FAM83B: variants seen among roughly 807,000 people sequenced by gnomAD.
The protein encoded by FAM83B is scaffolding CK1 anchoring protein B, also known as protein FAM83B.
In FAM83B, 26 loss-of-function variants were observed where a neutral mutation model predicts 38.8. The observed-to-expected ratio is 0.67, with a 90% CI of 0.49 to 0.93. The LOEUF is 0.93. Among genes scored for constraint, FAM83B ranks in the 40% least tolerant of loss-of-function variants. The probability of loss-of-function intolerance (pLI) is 0.00; values close to 1 mark genes in which losing one functional copy is unlikely to be tolerated. For missense variants in FAM83B, 1,237 were observed against 1,197.3 expected, an observed-to-expected ratio of 1.03 and a Z score of -0.49; for synonymous variants, 419 against 423.1, an observed-to-expected ratio of 0.99 and a Z score of 0.12.
chr6:54,875,047 AG>A (rs1237879055), intron 2 of FAM83B, among the ~76,000 whole-genome samples: 1 of 152,192 alleles, frequency 6.6e-6, no homozygotes, highest in Non-Finnish European at 1.5e-5. Context: ...ACTAGAATAG[AG>A]ACTTTGTCAC....
At chr6:54,899,000 C>A (rs891626413) in intron 2 of FAM83B, among the ~76,000 whole-genome samples, 4 of 152,160 alleles carry the variant, frequency 2.6e-5, no homozygotes, top group African/African-American at 9.7e-5. Flanking sequence ...TTCTGTAGCA[C>A]TTAATCAGGC....
At chr6:54,898,418 T>C (rs1356571345) in intron 2 of FAM83B, among the ~76,000 whole-genome samples, 4 of 152,166 alleles carry the variant, frequency 2.6e-5, no homozygotes, top group Non-Finnish European at 4.4e-5. Flanking sequence ...AGATGGCTGG[T>C]CTTTGTAGGT....
chr6:54,940,265 G>C lies in FAM83B; in HGVS notation c.1294G>C (p.Gly432Arg). 1.2e-6 allele frequency: 2 copies of C among 1,614,022 alleles called. No individual in the cohort carries two copies. Among genetic ancestry groups the C allele is most frequent in the Non-Finnish European group, 1.7e-6 (2 of 1,179,996 alleles). The stretch of plus-strand genomic sequence containing the variant: ...CAGTGTGGCGTCCTCATCACGGGAA[G>C]GCTATGTAAGCCACCACAACACACC... ...SLSVASSSRE[G>R]YVSHHNTPAQ... The change falls in exon 5 of 5, where the codon GGC becomes CGC. Residue 432 changes from glycine to arginine, a missense_variant. Physicochemically the swap from Gly to Arg is moderately radical, Grantham distance 125. Transcript: ENST00000306858.
rs1437901079 is a variant in FAM83B at position 54,939,832 on chromosome 6, T to G, written c.861T>G (p.Ala287=). ...GATCCTGTGTCCCTAGTTCATTTGC[T>G]CAGGAAGAATCAGCAAGGGTGAAGC... The part of the protein sequence containing the change: ...YARSCVPSSF[A]QEESARVKHG... Residue 287 remains alanine (A), a synonymous_variant, in exon 5 of 5, where the codon GCT becomes GCG. Transcript: ENST00000306858. The G allele has an allele frequency of 6.2e-7, 1 of 1,614,020 alleles. No individual in the cohort carries two copies. Among genetic ancestry groups the G allele is most frequent in the Non-Finnish European group, 8.5e-7 (1 of 1,179,970 alleles).
At chr6:54,937,815 A>G (rs1012097646) in intron 4 of FAM83B, among the ~76,000 whole-genome samples, 1 of 152,134 alleles carries the variant, frequency 6.6e-6, no homozygotes, top group African/African-American at 2.4e-5. Context: ...ATCAGTTTTT[A>G]TGCCACGAAG....
intron 2 of FAM83B, among the ~76,000 whole-genome samples, chr6:54,882,970 G>A (rs968621612): frequency 6.6e-6 from 1 of 152,006 alleles, no homozygotes; most frequent in African/African-American, 2.4e-5. Context: ...TTGAGATGGA[G>A]TCTCGCTCTG....
chr6:54,927,454 A>T, intron 3 of FAM83B, 54 bp from the exon 4 acceptor site: 1 of 1,423,316 alleles, frequency 7.0e-7, no homozygotes, highest in South Asian at 1.8e-5. Flanking sequence ...TTTGGTTTTC[A>T]AAATATTCTT....
rs552298580 is a variant in FAM83B, at chr6:54,853,060, A to G, written c.-61+6234A>G. ...TAGACACCCCTGGATAGATCAAGCCAGCCACAACATTCTCTGCCAAAGCCT... is the reference window on the plus strand; with the variant it reads ...TAGACACCCCTGGATAGATCAAGCCGGCCACAACATTCTCTGCCAAAGCCT... On this transcript the variant is annotated intron_variant, in intron 1 of 4. Transcript: ENST00000306858. Among the ~76,000 whole-genome samples, 45 of 152,310 alleles carry G rather than the reference A, an allele frequency of 3.0e-4. No individual in the cohort carries two copies. In the Middle Eastern group the frequency reaches 0.014, roughly 46 times the overall value.
At chr6:54,930,230 G>A (rs937933904) in intron 4 of FAM83B, among the ~76,000 whole-genome samples, 3 of 152,010 alleles carry the variant, frequency 2.0e-5, no homozygotes, top group Admixed American at 1.3e-4. Context: ...TCGAAACAAA[G>A]TTAATAATGG....
At chr6:54,904,967 A>G (rs1437485454) in intron 2 of FAM83B, among the ~76,000 whole-genome samples, 2 of 152,216 alleles carry the variant, frequency 1.3e-5, no homozygotes, top group African/African-American at 2.4e-5. Flanking sequence ...AACGATCTGT[A>G]AAGAAAGGAA....
chr6:54,875,279 T>C (rs916887670), intron 2 of FAM83B, among the ~76,000 whole-genome samples: 1 of 152,196 alleles, frequency 6.6e-6, no homozygotes, highest in South Asian at 2.1e-4. Flanking sequence ...TGTCGTGATA[T>C]GTTACTTTCA....
At chr6:54,874,627 C>T (rs1296001370) in intron 2 of FAM83B, among the ~76,000 whole-genome samples, 1 of 151,780 alleles carries the variant, frequency 6.6e-6, no homozygotes, top group Admixed American at 6.6e-5. Flanking sequence ...TTTTTTTTTC[C>T]TAGCCACTCA....
At chr6:54,860,437 T>G (rs1351767254) in intron 1 of FAM83B, among the ~76,000 whole-genome samples, 1 of 152,278 alleles carries the variant, frequency 6.6e-6, no homozygotes, top group East Asian at 1.9e-4. Flanking sequence ...TTAAAAAAAT[T>G]GACAAGCTGT....
In FAM83B at chr6:54,884,295, C is replaced by T. The variant is rs1188033860; in HGVS notation, c.444+13605C>T. On this transcript the variant is annotated intron_variant, in intron 2 of 4. Coordinates refer to ENST00000306858, the MANE Select transcript of FAM83B (RefSeq NM_001010872.3). ...CCAGCCTGGTGACAGAGCAAGACCC[C>T]GTCTAAAAAAAAAAAAAAAAAAAGA... is the stretch of plus-strand genomic sequence containing the variant. Among the ~76,000 whole-genome samples the T allele has an allele frequency of 2.1e-3, 127 of 59,102 alleles. 1 individual carries two copies. The highest frequency in any genetic ancestry group is 3.1e-3 in the Non-Finnish European group (110 of 35,374). The allele number at this position is 59,102 out of a possible 152,430, so 38.8% of individuals were successfully genotyped here.
At chr6:54,877,437 A>G (rs1266868924) in intron 2 of FAM83B, among the ~76,000 whole-genome samples, 2 of 152,194 alleles carry the variant, frequency 1.3e-5, no homozygotes, top group Non-Finnish European at 2.9e-5. Context: ...TTTGCATTTT[A>G]AGGATTCTGC....
intron 2 of FAM83B, among the ~76,000 whole-genome samples, chr6:54,897,360 T>G (rs891288100): frequency 6.6e-6 from 1 of 152,176 alleles, no homozygotes; most frequent in Non-Finnish European, 1.5e-5. Flanking sequence ...TTATGTATTC[T>G]CAGTAGTTTA....
At chr6:54,895,214 A>G (rs1238536074) in intron 2 of FAM83B, among the ~76,000 whole-genome samples, 1 of 152,194 alleles carries the variant, frequency 6.6e-6, no homozygotes, top group African/African-American at 2.4e-5. Flanking sequence ...GAAAAACATT[A>G]CAAAGAGATA....
At chr6:54,876,311 ATATATATATGTTTT>A (rs1771994231) in intron 2 of FAM83B, among the ~76,000 whole-genome samples, 1 of 56,256 alleles carries the variant, frequency 1.8e-5, no homozygotes, top group Admixed American at 2.5e-4. Flanking sequence ...ATATATATAT[ATATATATATGTTTT>A]TGTTTTTTTT....
chr6:54,863,679 C>T (rs1043680712), intron 1 of FAM83B, among the ~76,000 whole-genome samples: 5 of 151,350 alleles, frequency 3.3e-5, no homozygotes, highest in African/African-American at 1.2e-4. Context: ...CCTGCCTAAT[C>T]CTGTGTGAAT....
Sources: gnomAD v4.1 joint callset for allele counts (sites outside exome capture counted in the v4.1 genomes callset) on GRCh38, gnomAD v4.1.1 for gene constraint, MANE v1.5 for transcripts, NCBI Gene and HGNC (gene_info 2026-07-23, HGNC 2026-07-21) for gene names.